GRIP1: variants seen among roughly 807,000 people sequenced by gnomAD.
GRIP1 encodes the protein glutamate receptor-interacting protein 1.
Under a neutral mutation model 129.9 loss-of-function variants are expected in GRIP1, and 45 were observed. The observed-to-expected ratio is 0.35, with a 90% CI of 0.27 to 0.44. The LOEUF (loss-of-function observed/expected upper bound fraction) is 0.44, where lower values mean the gene tolerates loss of function less well. Among genes scored for constraint, GRIP1 ranks in the 20% least tolerant of loss-of-function variants. The probability of loss-of-function intolerance (pLI) is 1.00; values close to 1 mark genes in which losing one functional copy is unlikely to be tolerated. For synonymous variants in GRIP1, 530 were observed against 520.8 expected (o/e 1.02, Z -0.24); for missense variants, 1,196 against 1,396.8 (o/e 0.86, Z 2.29).
At chr12:66,353,703 A>G (rs1411169414) in intron 23 of GRIP1, 140 bp from the exon 24 acceptor site, 13 of 781,308 alleles carry the variant, frequency 1.7e-5, no homozygotes, top group Non-Finnish European at 2.9e-5. Context: ...CCCTGCACCA[A>G]TCCTGCAGCC....
At chr12:66,880,999 T>TA (rs1290245529) in intron 1 of GRIP1, among the ~76,000 whole-genome samples, 4 of 151,934 alleles carry the variant, frequency 2.6e-5, no homozygotes, top group Non-Finnish European at 5.9e-5. Context: ...CTTCTGTTTT[T>TA]TTTTTTTCCT....
intron 1 of GRIP1, among the ~76,000 whole-genome samples, chr12:66,961,045 G>C (rs1566095928): frequency 6.6e-6 from 1 of 152,138 alleles, no homozygotes; most frequent in Non-Finnish European, 1.5e-5. Context: ...GTGTCCATAA[G>C]ATATACCTAT....
intron 1 of GRIP1, among the ~76,000 whole-genome samples, chr12:66,883,669 T>C (rs2040517278): frequency 6.6e-6 from 1 of 152,194 alleles, no homozygotes; most frequent in African/African-American, 2.4e-5. Flanking sequence ...ACATACGTCC[T>C]GGTTTGCATA....
At chr12:66,561,173 A>G (rs1363738901) in intron 2 of GRIP1, among the ~76,000 whole-genome samples, 1 of 152,206 alleles carries the variant, frequency 6.6e-6, no homozygotes, top group Non-Finnish European at 1.5e-5. Context: ...AATAAAGGTT[A>G]CCAGAAGCTG....
chr12:66,594,569 G>C (rs1287810397), intron 2 of GRIP1, among the ~76,000 whole-genome samples: 1 of 152,000 alleles, frequency 6.6e-6, no homozygotes, highest in Non-Finnish European at 1.5e-5. Context: ...TTCCAATGTG[G>C]CCCAGGGAAG....
intron 7 of GRIP1, among the ~76,000 whole-genome samples, chr12:66,497,764 G>A (rs1191424443): frequency 6.6e-6 from 1 of 152,140 alleles, no homozygotes; most frequent in Non-Finnish European, 1.5e-5. Context: ...GAGAGAGTCA[G>A]GGAACTGTGT....
chr12:66,584,851 T>C (rs1388426414), intron 2 of GRIP1, among the ~76,000 whole-genome samples: 1 of 151,874 alleles, frequency 6.6e-6, no homozygotes, highest in Non-Finnish European at 1.5e-5. Context: ...GAACATCTCC[T>C]TCCCCTCCAT....
At chr12:66,901,977 C>A (rs1050501532) in intron 1 of GRIP1, among the ~76,000 whole-genome samples, 1 of 152,150 alleles carries the variant, frequency 6.6e-6, no homozygotes, top group African/African-American at 2.4e-5. Flanking sequence ...TCCTTCAGAT[C>A]ATGTGCATAT....
chr12:66,930,655 C>T (rs535655525), intron 1 of GRIP1, among the ~76,000 whole-genome samples: 271 of 152,198 alleles, frequency 1.8e-3, no homozygotes, highest in African/African-American at 6.2e-3. Context: ...ATGTTATTTC[C>T]TGCAAAAGAA....
In GRIP1 at chr12:66,377,293, C is replaced by G; in HGVS notation, c.2622-8G>C. ...TCGGCAGCCCCTGCAAAACTGTTGT[C>G]AAGAAACACAGGCTGGGTTAGGAAC... On this transcript the variant is annotated splice_polypyrimidine_tract_variant and splice_region_variant and intron_variant, in intron 20 of 24. Coordinates refer to ENST00000359742, the MANE Select transcript of GRIP1 (RefSeq NM_001366722.1). 1 of 1,539,894 alleles carries G rather than the reference C, an allele frequency of 6.5e-7. No homozygotes were observed. The highest frequency in any genetic ancestry group is 9.0e-7 in the Non-Finnish European group (1 of 1,112,654).
chr12:66,861,355 T>G (rs1326322252), intron 1 of GRIP1, among the ~76,000 whole-genome samples: 1 of 152,134 alleles, frequency 6.6e-6, no homozygotes, highest in Non-Finnish European at 1.5e-5. Context: ...GCTGGACAGC[T>G]GCTGATGTGC....
At chr12:66,959,335 C>T (rs976821075) in intron 1 of GRIP1, among the ~76,000 whole-genome samples, 2 of 151,888 alleles carry the variant, frequency 1.3e-5, no homozygotes, top group African/African-American at 2.4e-5. Flanking sequence ...TGCAATTTTG[C>T]ACATGAACTA....
chr12:66,723,803 T>C (rs1442215964), intron 1 of GRIP1, among the ~76,000 whole-genome samples: 1 of 152,130 alleles, frequency 6.6e-6, no homozygotes, highest in East Asian at 1.9e-4. Flanking sequence ...GGAGCTTCCA[T>C]ACAAAGAATT....
intron 1 of GRIP1, among the ~76,000 whole-genome samples, chr12:67,010,505 G>A (rs7297817): frequency 0.16 from 23,820 of 152,054 alleles, 1,908 homozygotes; most frequent in Non-Finnish European, 0.18. Context: ...ACGAATTAAC[G>A]AGTTCAGTTT....
intron 1 of GRIP1, among the ~76,000 whole-genome samples, chr12:67,045,487 T>C (rs139261628): frequency 1.3e-5 from 2 of 152,294 alleles, no homozygotes; most frequent in South Asian, 2.1e-4. Flanking sequence ...GCAACTTTCC[T>C]GTAAGGGCCA....
intron 11 of GRIP1, among the ~76,000 whole-genome samples, chr12:66,452,140 G>A (rs1416906154): frequency 6.6e-6 from 1 of 152,204 alleles, no homozygotes; most frequent in Non-Finnish European, 1.5e-5. Context: ...AGGGTACAGT[G>A]GTGGGGAACA....
intron 15 of GRIP1, among the ~76,000 whole-genome samples, chr12:66,412,042 G>A (rs1271418991): frequency 2.0e-5 from 3 of 152,302 alleles, no homozygotes; most frequent in African/African-American, 4.8e-5. Context: ...ACAGAACTAA[G>A]TTGGAAAATG....
intron 8 of GRIP1, 44 bp downstream of exon 8, chr12:66,465,231 C>A (rs757709236): frequency 4.5e-6 from 7 of 1,570,182 alleles, no homozygotes; most frequent in Non-Finnish European, 8.8e-7. Context: ...CAGGCGTGAG[C>A]CACTGCGCCT....
chr12:66,477,857 C>T (rs1385080602), intron 7 of GRIP1, among the ~76,000 whole-genome samples: 7 of 152,256 alleles, frequency 4.6e-5, no homozygotes, highest in Middle Eastern at 3.4e-3. Flanking sequence ...CCCTTCCTTA[C>T]ACCTTATACA....
Sources: allele counts gnomAD v4.1 joint callset (sites outside exome capture counted in the v4.1 genomes callset), GRCh38; gene constraint gnomAD v4.1.1; transcripts MANE v1.5; gene names NCBI Gene and HGNC (gene_info 2026-07-23, HGNC 2026-07-21).